SPIRE1: variants seen among roughly 807,000 people sequenced by gnomAD.
The protein encoded by SPIRE1 is protein spire homolog 1.
Under a neutral mutation model 94.1 loss-of-function variants are expected in SPIRE1, and 40 were observed. The ratio of observed to expected loss-of-function variants is 0.43; its 90% CI spans 0.33 to 0.55. The LOEUF (loss-of-function observed/expected upper bound fraction) is 0.55, where lower values mean the gene tolerates loss of function less well. SPIRE1 is among the 20% of genes least tolerant of loss of function. SPIRE1 has a pLI of 0.06. For synonymous variants in SPIRE1, 376 were observed against 371.7 expected, an observed-to-expected ratio of 1.01 and a Z score of -0.13; for missense variants, 838 against 975.2, an observed-to-expected ratio of 0.86 and a Z score of 1.87.
At chr18:12,525,033 T>C in intron 4 of SPIRE1, among the ~76,000 whole-genome samples, 1 of 150,940 alleles carries the variant, frequency 6.6e-6, no homozygotes, top group East Asian at 1.9e-4. Context: ...TCCCAGCACT[T>C]TGGGAGGCCG....
chr18:12,516,770 C>T (rs1485250041), intron 4 of SPIRE1, among the ~76,000 whole-genome samples: 1 of 152,176 alleles, frequency 6.6e-6, no homozygotes, highest in Admixed American at 6.5e-5. Context: ...TCAATGCCCC[C>T]CAAAACAGGG....
Position 12,546,993 on chromosome 18 carries a change from T to C in SPIRE1, c.373-89A>G, listed in dbSNP as rs535891187. On this transcript the variant is annotated intron_variant, in intron 2 of 16. Transcript: ENST00000409402. ...GGCATAAGATGTTTAGTATGATTTT[T>C]TCCCTCAAACCAACATACAACACAT... 6.4e-5 allele frequency: 56 copies of C among 873,734 alleles called. No individual in the cohort carries two copies. In the East Asian group the frequency reaches 1.5e-3, roughly 23 times the overall value. 54.1% of individuals were successfully genotyped at this position (873,734 alleles called of 1,614,324 possible).
At chr18:12,452,105 T>C (rs756820757) in intron 16 of SPIRE1, 150 bp downstream of exon 16, 1 of 859,740 alleles carries the variant, frequency 1.2e-6, no homozygotes, top group Non-Finnish European at 1.8e-6. Flanking sequence ...TTGGGGAAGT[T>C]TTGGAGATTT....
intron 2 of SPIRE1, among the ~76,000 whole-genome samples, chr18:12,615,742 G>A (rs1389426639): frequency 2.0e-5 from 3 of 151,740 alleles, no homozygotes; most frequent in Non-Finnish European, 4.4e-5. Flanking sequence ...TAAATCAATT[G>A]TACACAAACC....
At chr18:12,658,665 G>A (rs1214742263), upstream of SPIRE1, 2 of 459,282 alleles carry the variant, frequency 4.4e-6, no homozygotes, top group Non-Finnish European at 9.1e-6. Context: ...TCCCCGCCGG[G>A]CCCTGGGCCC....
intron 6 of SPIRE1, among the ~76,000 whole-genome samples, chr18:12,497,242 G>C (rs2033490742): frequency 6.6e-6 from 1 of 152,188 alleles, no homozygotes; most frequent in Non-Finnish European, 1.5e-5. Flanking sequence ...TGGAGGACCA[G>C]TCTGTCTCTG....
intron 1 of SPIRE1, among the ~76,000 whole-genome samples, chr18:12,654,417 C>T (rs1034044535): frequency 2.1e-4 from 32 of 149,966 alleles, no homozygotes; most frequent in Admixed American, 6.0e-4. Flanking sequence ...GAGGCCGAGA[C>T]GGGCGGATCA....
chr18:12,600,559 T>C (rs2144635482), intron 2 of SPIRE1, among the ~76,000 whole-genome samples: 1 of 152,036 alleles, frequency 6.6e-6, no homozygotes, highest in East Asian at 1.9e-4. Context: ...AATACTATGA[T>C]GGTTGAAAAA....
chr18:12,543,619 T>A (rs947548160), intron 3 of SPIRE1, among the ~76,000 whole-genome samples: 1 of 152,180 alleles, frequency 6.6e-6, no homozygotes, highest in African/African-American at 2.4e-5. Context: ...ACTTTTCAAC[T>A]ACAATGTACC....
chr18:12,461,422 G>GTGTGCATGTATGTATATACATACA (rs2031794919), intron 12 of SPIRE1, among the ~76,000 whole-genome samples: 1 of 127,704 alleles, frequency 7.8e-6, no homozygotes, highest in Admixed American at 7.5e-5. Flanking sequence ...GTATGTGTGT[G>GTGTGCATGTATGTATATACATACA]TGTGTGTATG....
intron 2 of SPIRE1, among the ~76,000 whole-genome samples, chr18:12,578,419 C>T (rs1266524821): frequency 6.6e-6 from 1 of 152,240 alleles, no homozygotes; most frequent in East Asian, 1.9e-4. Context: ...ATCTCAAAAA[C>T]ACTGCTGAGC....
At chr18:12,651,622 C>T (rs1461877282) in intron 1 of SPIRE1, among the ~76,000 whole-genome samples, 5 of 152,006 alleles carry the variant, frequency 3.3e-5, no homozygotes, top group Admixed American at 6.6e-5. Context: ...TGCAGTGAGC[C>T]GAGATCACGC....
chr18:12,562,846 T>C (rs985567824), intron 2 of SPIRE1, among the ~76,000 whole-genome samples: 8 of 152,094 alleles, frequency 5.3e-5, no homozygotes, highest in African/African-American at 1.9e-4. Context: ...ACACAACTTC[T>C]AAGATTATAA....
intron 2 of SPIRE1, among the ~76,000 whole-genome samples, chr18:12,575,314 A>T (rs2036066386): frequency 6.6e-6 from 1 of 152,214 alleles, no homozygotes; most frequent in South Asian, 2.1e-4. Flanking sequence ...AAAAAAATTA[A>T]AATAAAAAAG....
intron 4 of SPIRE1, among the ~76,000 whole-genome samples, chr18:12,525,329 T>C (rs1372186064): frequency 1.4e-5 from 2 of 147,870 alleles, no homozygotes; most frequent in South Asian, 2.1e-4. Context: ...ACAAAGGCTA[T>C]TATTAAAATT....
intron 2 of SPIRE1, among the ~76,000 whole-genome samples, chr18:12,603,040 T>A (rs2036880893): frequency 6.6e-6 from 1 of 152,196 alleles, no homozygotes; most frequent in Non-Finnish European, 1.5e-5. Context: ...CTAATACACA[T>A]AACCTACAAA....
At chr18:12,466,325 G>A (rs1348354832) in intron 10 of SPIRE1, among the ~76,000 whole-genome samples, 1 of 152,182 alleles carries the variant, frequency 6.6e-6, no homozygotes, top group Non-Finnish European at 1.5e-5. Flanking sequence ...TGCCCAGGCT[G>A]GAGTGCAGTG....
At chr18:12,539,549 G>A (rs2144230913) in intron 3 of SPIRE1, among the ~76,000 whole-genome samples, 1 of 150,850 alleles carries the variant, frequency 6.6e-6, no homozygotes, top group East Asian at 2.0e-4. Flanking sequence ...AATAGTAATG[G>A]GTATCTCAGA....
In SPIRE1 at chr18:12,454,329, AC is replaced by A; in HGVS notation, c.1776+16del. On this transcript the variant is annotated intron_variant, in intron 13 of 16. Transcript: ENST00000409402. ...ATCCTTCTACTCTTCTGATCAATCA[AC>A]TTTAAACAGCACTACCTTTCCTTTT... 2 of 1,613,930 alleles carry A rather than the reference AC, an allele frequency of 1.2e-6. No homozygotes were observed. The highest frequency in any genetic ancestry group is 1.7e-6 in the Non-Finnish European group (2 of 1,179,908).
Sources: allele counts gnomAD v4.1 joint callset (sites outside exome capture counted in the v4.1 genomes callset), GRCh38; gene constraint gnomAD v4.1.1; transcripts MANE v1.5; gene names NCBI Gene and HGNC (gene_info 2026-07-23, HGNC 2026-07-21).